The following SEMA6A variants were observed in gnomAD, a reference collection of about 807,000 sequenced individuals.
The protein encoded by SEMA6A is semaphorin-6A.
Under a neutral mutation model 96.8 loss-of-function variants are expected in SEMA6A, and 25 were observed. The ratio of observed to expected loss-of-function variants is 0.26; its 90% CI spans 0.19 to 0.36. SEMA6A has a LOEUF of 0.36. Among genes scored for constraint, SEMA6A ranks in the 10% least tolerant of loss-of-function variants. The pLI, the probability that SEMA6A is intolerant of heterozygous loss-of-function variation, is 1.00. For synonymous variants in SEMA6A, 612 were observed against 518.0 expected, an observed-to-expected ratio of 1.18 and a Z score of -2.46; for missense variants, 1,363 against 1,323.1, an observed-to-expected ratio of 1.03 and a Z score of -0.47.
intron 1 of SEMA6A, among the ~76,000 whole-genome samples, chr5:116,551,314 G>GCACACACACACACA (rs1266065765): frequency 2.3e-5 from 1 of 43,970 alleles, no homozygotes; most frequent in Admixed American, 3.0e-4. Flanking sequence ...GATAGTCTTA[G>GCACACACACACACA]CATACACACA....
intron 15 of SEMA6A, among the ~76,000 whole-genome samples, chr5:116,477,290 A>G (rs1250229716): frequency 6.6e-6 from 1 of 152,226 alleles, no homozygotes; most frequent in Non-Finnish European, 1.5e-5. Context: ...GGCCTCATCT[A>G]GCTGATCTGT....
chr5:116,467,603 T>C lies in SEMA6A; in HGVS notation c.1874A>G (p.His625Arg). Residue 625 changes from histidine to arginine, a missense_variant, in exon 18 of 19, where the codon CAT becomes CGT. His to Arg is a conservative substitution (Grantham distance 29). Coordinates refer to ENST00000343348, the MANE Select transcript of SEMA6A (RefSeq NM_020796.5). The part of the protein sequence containing the change: ...STDPLGAVSS[H>R]NHQDKKGVIR... ...CTTACCCTTCTTGTCTTGGTGATTA[T>C]GGGAAGACACTGCCCCCAAAGGGTC... 1 of 1,613,048 alleles carries C rather than the reference T, an allele frequency of 6.2e-7. No individual in the cohort carries two copies. Among genetic ancestry groups the C allele is most frequent in the Non-Finnish European group, 8.5e-7 (1 of 1,179,570 alleles).
At chr5:116,452,466 G>A (rs1468431371) in intron 18 of SEMA6A, among the ~76,000 whole-genome samples, 1 of 151,384 alleles carries the variant, frequency 6.6e-6, no homozygotes, top group Non-Finnish European at 1.5e-5. Context: ...GATGCTGGAG[G>A]GAGACCTCAG....
Position 116,446,481 on chromosome 5 carries a change from G to C in SEMA6A, c.*132C>G. 1.3e-6 allele frequency: 1 copy of C among 757,622 alleles called. No individual in the cohort carries two copies. Among genetic ancestry groups the C allele is most frequent in the Non-Finnish European group, 2.0e-6 (1 of 496,640 alleles). The allele number at this position is 757,622 out of a possible 1,614,324, so 46.9% of individuals were successfully genotyped here. ...AGTACCCCTGTGTCCCAGAGAGGAG[G>C]ACCCAGCGTCCTCGGCTCTGCCGCA... On this transcript the variant is annotated 3_prime_UTR_variant, in exon 19 of 19. Transcript: ENST00000343348.
chr5:116,563,669 A>T (rs1760910080), intron 1 of SEMA6A, among the ~76,000 whole-genome samples: 1 of 152,236 alleles, frequency 6.6e-6, no homozygotes, highest in South Asian at 2.1e-4. Flanking sequence ...ACCCAAGAGT[A>T]ATCACAATCT....
intron 1 of SEMA6A, among the ~76,000 whole-genome samples, chr5:116,544,266 G>T (rs1358999812): frequency 1.3e-5 from 2 of 152,108 alleles, no homozygotes; most frequent in East Asian, 3.9e-4. Context: ...TCTCCCATCT[G>T]CCACACAGGA....
At chr5:116,523,833 C>T (rs555781081) in intron 1 of SEMA6A, among the ~76,000 whole-genome samples, 4 of 152,124 alleles carry the variant, frequency 2.6e-5, no homozygotes, top group African/African-American at 4.8e-5. Flanking sequence ...AGACAAATAT[C>T]GGAGCCGCTG....
chr5:116,522,204 T>A (rs1038850229), intron 1 of SEMA6A, among the ~76,000 whole-genome samples: 8 of 152,230 alleles, frequency 5.3e-5, no homozygotes, highest in African/African-American at 1.9e-4. Context: ...TCACTTTTTA[T>A]GTTGTACATT....
chr5:116,513,249 T>A (rs889683689), intron 1 of SEMA6A, among the ~76,000 whole-genome samples: 5 of 152,110 alleles, frequency 3.3e-5, no homozygotes, highest in African/African-American at 1.2e-4. Flanking sequence ...TGCTCCAGCC[T>A]CCTGAGTAGC....
At chr5:116,489,101 C>T (rs1757207135) in intron 7 of SEMA6A, 94 bp from the exon 8 acceptor site, 1 of 1,344,124 alleles carries the variant, frequency 7.4e-7, no homozygotes, top group East Asian at 2.6e-5. Flanking sequence ...TTTCCAACAT[C>T]AGGCAAATGA....
intron 16 of SEMA6A, among the ~76,000 whole-genome samples, chr5:116,474,350 C>A (rs1299814599): frequency 6.6e-6 from 1 of 151,476 alleles, no homozygotes; most frequent in Non-Finnish European, 1.5e-5. Context: ...CTATAATGCA[C>A]CAAGATGATT....
intron 7 of SEMA6A, among the ~76,000 whole-genome samples, chr5:116,491,211 A>G (rs1472559086): frequency 6.6e-6 from 1 of 151,994 alleles, no homozygotes; most frequent in East Asian, 1.9e-4. Flanking sequence ...TTTCTTTTCT[A>G]TATGTGGACA....
Position 116,446,555 on chromosome 5 carries a change from G to A in SEMA6A, c.*58C>T. ...TCGAGGCAGTTGAGAACCTTGCTGA[G>A]CTGAGCGGGCACCTCGCCTTGCCTG... On this transcript the variant is annotated 3_prime_UTR_variant, in exon 19 of 19. Transcript: ENST00000343348. 1 of 1,395,444 alleles carries A rather than the reference G, an allele frequency of 7.2e-7. No homozygotes were observed. Among genetic ancestry groups the A allele is most frequent in the Non-Finnish European group, 9.5e-7 (1 of 1,048,964 alleles). The allele number at this position is 1,395,444 out of a possible 1,614,324, so 86.4% of individuals were successfully genotyped here.
At chr5:116,528,625 C>T (rs376229732) in intron 1 of SEMA6A, among the ~76,000 whole-genome samples, 2 of 152,192 alleles carry the variant, frequency 1.3e-5, no homozygotes, top group Admixed American at 6.5e-5. Context: ...GTCTGAAAAG[C>T]AGGCAGAAGC....
At chr5:116,540,052 C>A (rs2112860599) in intron 1 of SEMA6A, among the ~76,000 whole-genome samples, 1 of 152,102 alleles carries the variant, frequency 6.6e-6, no homozygotes, top group East Asian at 1.9e-4. Context: ...TTTTCTTGCG[C>A]TAAACTGCAT....
At position 116,452,965 on chromosome 5, in the gene SEMA6A, A is replaced by G. The variant is rs114465474; in HGVS notation, c.1895-5154T>C. 8.7e-3 allele frequency among the ~76,000 whole-genome samples: 1,324 copies of G among 152,340 alleles called. 17 individuals carry two copies. The highest frequency in any genetic ancestry group is 0.03 in the African/African-American group (1,250 of 41,582). Reference sequence around the variant, plus strand: ...CAAGTGCTTGCATACAACTCTGTCCAAAGTGTGGCTATGTCATGAGTTACA... The same window carrying G: ...CAAGTGCTTGCATACAACTCTGTCCGAAGTGTGGCTATGTCATGAGTTACA... On this transcript the variant is annotated intron_variant, in intron 18 of 18. Transcript: ENST00000343348.
chr5:116,572,829 GC>G (rs1761279508), intron 1 of SEMA6A, among the ~76,000 whole-genome samples: 1 of 152,296 alleles, frequency 6.6e-6, no homozygotes, highest in African/African-American at 2.4e-5. Context: ...GACTGCACAT[GC>G]TGAGCCCCAG....
intron 1 of SEMA6A, among the ~76,000 whole-genome samples, chr5:116,525,197 G>A (rs899719142): frequency 1.3e-5 from 2 of 152,178 alleles, no homozygotes; most frequent in African/African-American, 4.8e-5. Flanking sequence ...CCCATGAACA[G>A]AAGAGGTCTC....
chr5:116,510,172 C>T (rs1421971929), intron 1 of SEMA6A, among the ~76,000 whole-genome samples: 1 of 152,026 alleles, frequency 6.6e-6, no homozygotes, highest in Non-Finnish European at 1.5e-5. Context: ...AACTTCAGGA[C>T]CCAGTTCAAG....
Sources: allele counts gnomAD v4.1 joint callset (sites outside exome capture counted in the v4.1 genomes callset), GRCh38; gene constraint gnomAD v4.1.1; transcripts MANE v1.5; gene names NCBI Gene and HGNC (gene_info 2026-07-23, HGNC 2026-07-21).